SCFD2: variants seen among roughly 807,000 people sequenced by gnomAD.
SCFD2 encodes the protein sec1 family domain-containing protein 2.
In SCFD2, 54 loss-of-function variants were observed where a neutral mutation model predicts 58.9. The observed-to-expected ratio is 0.92, with a 90% CI of 0.74 to 1.15. SCFD2 has a LOEUF of 1.15. Among genes scored for constraint, SCFD2 ranks in the 50% most tolerant of loss-of-function variants. The pLI, the probability that SCFD2 is intolerant of heterozygous loss-of-function variation, is 0.00. For missense variants in SCFD2, 805 were observed against 836.6 expected (o/e 0.96, Z 0.47); for synonymous variants, 321 against 335.9 (o/e 0.96, Z 0.49).
intron 5 of SCFD2, among the ~76,000 whole-genome samples, chr4:53,139,386 G>T (rs1219537222): frequency 8.6e-6 from 1 of 115,814 alleles, no homozygotes; most frequent in African/African-American, 2.7e-5. Flanking sequence ...TGGGAAGTGA[G>T]GAGCGCCTCT....
intron 5 of SCFD2, among the ~76,000 whole-genome samples, chr4:53,065,107 T>C (rs1723619540): frequency 6.6e-6 from 1 of 152,066 alleles, no homozygotes; most frequent in Non-Finnish European, 1.5e-5. Context: ...AGAACTCCAG[T>C]CATGACAGCA....
chr4:52,991,731 C>A (rs1577644664), intron 5 of SCFD2, among the ~76,000 whole-genome samples: 1 of 151,988 alleles, frequency 6.6e-6, no homozygotes, highest in Non-Finnish European at 1.5e-5. Flanking sequence ...AGTATTGGTT[C>A]TGAAACTGGG....
chr4:53,264,542 A>T (rs767916065), intron 4 of SCFD2, among the ~76,000 whole-genome samples: 22 of 152,314 alleles, frequency 1.4e-4, no homozygotes, highest in Non-Finnish European at 2.8e-4. Flanking sequence ...ACTTCTTCTC[A>T]GAAAAACTCA....
At chr4:53,038,063 G>A (rs1722808047) in intron 5 of SCFD2, among the ~76,000 whole-genome samples, 1 of 152,130 alleles carries the variant, frequency 6.6e-6, no homozygotes, top group Admixed American at 6.6e-5. Context: ...CCTTCTAAGA[G>A]GGTTGGCCAA....
intron 5 of SCFD2, among the ~76,000 whole-genome samples, chr4:53,005,000 T>A (rs1721942327): frequency 6.6e-6 from 1 of 152,190 alleles, no homozygotes; most frequent in Admixed American, 6.5e-5. Flanking sequence ...CTGGGTTTAG[T>A]AATTCTCCTG....
intron 7 of SCFD2, among the ~76,000 whole-genome samples, chr4:52,894,689 T>C (rs190757657): frequency 6.6e-6 from 1 of 152,340 alleles, no homozygotes; most frequent in Non-Finnish European, 1.5e-5. Context: ...CTTCACACAC[T>C]GCCCTTTGAA....
intron 3 of SCFD2, among the ~76,000 whole-genome samples, chr4:53,293,422 T>C (rs529385430): frequency 6.6e-6 from 1 of 152,300 alleles, no homozygotes; most frequent in African/African-American, 2.4e-5. Context: ...TTTACCTATG[T>C]AACAAACCTG....
intron 4 of SCFD2, among the ~76,000 whole-genome samples, chr4:53,177,215 G>A (rs1025330906): frequency 1.3e-5 from 2 of 152,154 alleles, no homozygotes; most frequent in African/African-American, 2.4e-5. Flanking sequence ...GAGTCTAGTG[G>A]GGGATAGAAT....
chr4:53,073,856 A>G (rs1333690109), intron 5 of SCFD2, among the ~76,000 whole-genome samples: 1 of 152,198 alleles, frequency 6.6e-6, no homozygotes, highest in African/African-American at 2.4e-5. Flanking sequence ...AAAAATGCTA[A>G]TGATTATCTG....
intron 5 of SCFD2, among the ~76,000 whole-genome samples, chr4:52,992,923 T>G (rs996870556): frequency 3.3e-5 from 5 of 152,100 alleles, no homozygotes; most frequent in African/African-American, 1.2e-4. Flanking sequence ...GAACGGGCCA[T>G]GATGACGATG....
chr4:53,279,251 T>C (rs184476611), intron 3 of SCFD2, among the ~76,000 whole-genome samples: 1 of 152,328 alleles, frequency 6.6e-6, no homozygotes, highest in East Asian at 1.9e-4. Context: ...AGCAACTTTT[T>C]AAAATTTGAT....
intron 7 of SCFD2, among the ~76,000 whole-genome samples, chr4:52,895,738 A>C (rs1333116671): frequency 6.6e-6 from 1 of 152,178 alleles, no homozygotes; most frequent in African/African-American, 2.4e-5. Context: ...ATGCCTGAGG[A>C]ATCGTCACAC....
intron 5 of SCFD2, among the ~76,000 whole-genome samples, chr4:53,118,662 C>T (rs1044900082): frequency 2.0e-5 from 3 of 152,004 alleles, no homozygotes; most frequent in South Asian, 2.1e-4. Context: ...ACCCAGAGGG[C>T]GGGACACAAA....
At chr4:53,363,703 G>C in intron 1 of SCFD2, among the ~76,000 whole-genome samples, 2 of 151,542 alleles carry the variant, frequency 1.3e-5, no homozygotes, top group Non-Finnish European at 3.0e-5. Context: ...GGCGCCTGTA[G>C]TCCCAGCTAC....
intron 5 of SCFD2, among the ~76,000 whole-genome samples, chr4:53,114,871 T>C (rs1234534244): frequency 1.3e-5 from 2 of 152,128 alleles, no homozygotes; most frequent in Admixed American, 1.3e-4. Context: ...TTTAGAGATA[T>C]ATGAGTAATG....
At chr4:53,093,095 A>T (rs1455734444) in intron 5 of SCFD2, among the ~76,000 whole-genome samples, 1 of 152,066 alleles carries the variant, frequency 6.6e-6, no homozygotes, top group Non-Finnish European at 1.5e-5. Flanking sequence ...GATACTGTTA[A>T]AACATTGGGA....
At chr4:52,937,448 C>T (rs764034083) in intron 5 of SCFD2, among the ~76,000 whole-genome samples, 2 of 152,174 alleles carry the variant, frequency 1.3e-5, no homozygotes, top group Non-Finnish European at 1.5e-5. Context: ...AGTGGACTTA[C>T]GTGGGGGCAC....
chr4:53,202,223 C>T (rs576843694), intron 4 of SCFD2, among the ~76,000 whole-genome samples: 3 of 152,258 alleles, frequency 2.0e-5, no homozygotes, highest in East Asian at 3.9e-4. Flanking sequence ...GGAAGGGATC[C>T]AGTTTCAGCT....
rs534123911 is a variant in SCFD2, at chr4:53,089,068, C to T, written c.1561+56265G>A. Among the ~76,000 whole-genome samples, 4 of 152,204 alleles carry T rather than the reference C, an allele frequency of 2.6e-5. No individual in the cohort carries two copies. In the South Asian group the frequency reaches 8.3e-4, roughly 32 times the overall value. On this transcript the variant is annotated intron_variant, in intron 5 of 8. Coordinates refer to ENST00000401642, the MANE Select transcript of SCFD2 (RefSeq NM_152540.4). ...CTGTGAACCTGGAAGAAGGCCCTCACCAGACACCAAATCTGCTGGCACTTT... is the reference window on the plus strand; with the variant it reads ...CTGTGAACCTGGAAGAAGGCCCTCATCAGACACCAAATCTGCTGGCACTTT...
Sources: gnomAD v4.1 joint callset for allele counts (sites outside exome capture counted in the v4.1 genomes callset) on GRCh38, gnomAD v4.1.1 for gene constraint, MANE v1.5 for transcripts, NCBI Gene and HGNC (gene_info 2026-07-23, HGNC 2026-07-21) for gene names.